The following RPS6KA2 variants were observed in gnomAD, a reference collection of about 807,000 sequenced individuals.
RPS6KA2 encodes ribosomal protein S6 kinase alpha-2.
In RPS6KA2, 42 loss-of-function variants were observed where a neutral mutation model predicts 91.8. The ratio of observed to expected loss-of-function variants is 0.46; its 90% confidence interval spans 0.36 to 0.59. RPS6KA2 has a LOEUF of 0.59. RPS6KA2 is among the 20% of genes least tolerant of loss of function. The pLI, the probability that RPS6KA2 is intolerant of heterozygous loss-of-function variation, is 0.00. For missense variants in RPS6KA2, 798 were observed against 978.5 expected, an observed-to-expected ratio of 0.82 and a Z score of 2.46; for synonymous variants, 414 against 393.6, an observed-to-expected ratio of 1.05 and a Z score of -0.61.
At chr6:166,497,696 G>A (rs1781841318) in intron 8 of RPS6KA2, among the ~76,000 whole-genome samples, 3 of 152,244 alleles carry the variant, frequency 2.0e-5, no homozygotes, top group Admixed American at 2.0e-4. Context: ...GGGACGAGGA[G>A]TAGGGTGTGG....
At chr6:166,610,555 G>A (rs1220580602) in intron 1 of RPS6KA2, among the ~76,000 whole-genome samples, 2 of 152,256 alleles carry the variant, frequency 1.3e-5, no homozygotes, top group South Asian at 4.1e-4. Context: ...GAGGGCCATG[G>A]AGGCCTCCAA....
At chr6:166,424,494 C>T (rs760714537) in intron 16 of RPS6KA2, among the ~76,000 whole-genome samples, 10 of 152,202 alleles carry the variant, frequency 6.6e-5, no homozygotes, top group Non-Finnish European at 1.2e-4. Flanking sequence ...GAAGAGATGG[C>T]GCACAGAGGA....
chr6:166,723,968 G>C (rs1382367213), intron 2 of RPS6KA2, among the ~76,000 whole-genome samples: 1 of 152,144 alleles, frequency 6.6e-6, no homozygotes, highest in East Asian at 1.9e-4. Flanking sequence ...CCACAGTGCT[G>C]AGATTACAGG....
intron 2 of RPS6KA2, among the ~76,000 whole-genome samples, chr6:166,780,815 G>C (rs966955998): frequency 1.3e-5 from 2 of 152,130 alleles, no homozygotes; most frequent in Non-Finnish European, 2.9e-5. Context: ...CTGCAACATT[G>C]CAAGTCAGCC....
At chr6:166,743,833 G>A (rs138561648) in intron 2 of RPS6KA2, among the ~76,000 whole-genome samples, 15,379 of 141,608 alleles carry the variant, frequency 0.11, 1,841 homozygotes, top group African/African-American at 0.32. Context: ...GTCAGTGCAC[G>A]GCAGACAGGG....
chr6:166,702,348 G>A, intron 2 of RPS6KA2: 1 of 1,611,866 alleles, frequency 6.2e-7, no homozygotes, highest in Non-Finnish European at 8.5e-7. Flanking sequence ...GGGTTTTGCT[G>A]GGTGGCCATT....
At chr6:166,653,040 T>G (rs1342623890) in intron 2 of RPS6KA2, among the ~76,000 whole-genome samples, 1 of 152,220 alleles carries the variant, frequency 6.6e-6, no homozygotes. Context: ...CATTGCCCAT[T>G]ATTCCATTTT....
chr6:166,446,043 A>T (rs538429129), intron 14 of RPS6KA2, among the ~76,000 whole-genome samples: 2 of 152,254 alleles, frequency 1.3e-5, no homozygotes, highest in Non-Finnish European at 2.9e-5. Context: ...TTTCAACTAC[A>T]TTCCACCTGG....
At chr6:166,613,302 T>C (rs1376444410) in intron 1 of RPS6KA2, among the ~76,000 whole-genome samples, 2 of 152,242 alleles carry the variant, frequency 1.3e-5, no homozygotes, top group African/African-American at 2.4e-5. Flanking sequence ...CTAGGAGCAG[T>C]GCTGCTGAAA....
intron 1 of RPS6KA2, among the ~76,000 whole-genome samples, chr6:166,586,950 C>G (rs1785195083): frequency 6.6e-6 from 1 of 152,178 alleles, no homozygotes; most frequent in East Asian, 1.9e-4. Flanking sequence ...GGTCATGTGA[C>G]TAGCCCTGGC....
chr6:166,475,681 A>G, intron 10 of RPS6KA2: 1 of 472,112 alleles, frequency 2.1e-6, no homozygotes, highest in South Asian at 1.6e-5. Flanking sequence ...CATTCACTGA[A>G]CAGATCACAC....
At chr6:166,656,616 G>A (rs1218477505) in intron 2 of RPS6KA2, among the ~76,000 whole-genome samples, 2 of 152,256 alleles carry the variant, frequency 1.3e-5, no homozygotes, top group Admixed American at 6.5e-5. Context: ...GAAGATGGAT[G>A]GAAAGACCAT....
At chr6:166,512,872 C>T (rs1782518994) in intron 3 of RPS6KA2, among the ~76,000 whole-genome samples, 1 of 152,164 alleles carries the variant, frequency 6.6e-6, no homozygotes, top group South Asian at 2.1e-4. Context: ...TGCTCAGATC[C>T]CCTTTTTTTC....
rs1325966856 is a variant in RPS6KA2 at position 166,445,906 on chromosome 6, A to G, written c.1332+2818T>C. Among the ~76,000 whole-genome samples the G allele has an allele frequency of 3.3e-5, 5 of 152,238 alleles. No individual in the cohort carries two copies. The highest frequency in any genetic ancestry group is 5.9e-5 in the Non-Finnish European group (4 of 68,036). On this transcript the variant is annotated intron_variant, in intron 14 of 20. Transcript: ENST00000265678. The surrounding 1 kb of genome is among the most constrained non-coding windows in gnomAD (Gnocchi z 4.5). Reference sequence around the variant, plus strand: ...GATCCAACTCACACATCAGATAATCAGCTGCCACATGCTTAGTTCTGGGTC... The same window carrying G: ...GATCCAACTCACACATCAGATAATCGGCTGCCACATGCTTAGTTCTGGGTC...
rs923998076 is a variant in RPS6KA2 at position 166,490,306 on chromosome 6, A to G, written c.818+365T>C. ...TTGTGTCTTTTTCCGTCTATCCTTTACTTCTGGGAGGTCACCAACCATCAC... is the reference window on the plus strand; with the variant it reads ...TTGTGTCTTTTTCCGTCTATCCTTTGCTTCTGGGAGGTCACCAACCATCAC... On this transcript the variant is annotated intron_variant, in intron 9 of 20. Coordinates refer to ENST00000265678, the MANE Select transcript of RPS6KA2 (RefSeq NM_021135.6). The surrounding 1 kb of genome is among the most constrained non-coding windows in gnomAD (Gnocchi z 4.2). Among the ~76,000 whole-genome samples the G allele has an allele frequency of 6.6e-6, 1 of 151,996 alleles. No homozygotes were observed. Among genetic ancestry groups the G allele is most frequent in the African/African-American group, 2.4e-5 (1 of 41,364 alleles).
intron 16 of RPS6KA2, among the ~76,000 whole-genome samples, chr6:166,425,552 A>G (rs1260119344): frequency 6.6e-6 from 1 of 152,174 alleles, no homozygotes; most frequent in Non-Finnish European, 1.5e-5. Context: ...TATTCAGGAA[A>G]CGCATCTCAC....
intron 12 of RPS6KA2, among the ~76,000 whole-genome samples, chr6:166,454,153 G>A (rs560377410): frequency 3.3e-5 from 5 of 152,126 alleles, no homozygotes; most frequent in Admixed American, 6.5e-5. Context: ...TCACCACTAT[G>A]TACTCTACCC....
At chr6:166,634,130 G>C (rs1787163718) in intron 2 of RPS6KA2, among the ~76,000 whole-genome samples, 2 of 152,230 alleles carry the variant, frequency 1.3e-5, no homozygotes. Flanking sequence ...AAGGACGACA[G>C]GGACACACTT....
chr6:166,804,750 C>T (rs992508321), intron 2 of RPS6KA2, among the ~76,000 whole-genome samples: 3 of 152,114 alleles, frequency 2.0e-5, no homozygotes, highest in African/African-American at 7.2e-5. Flanking sequence ...TCTGGCATCT[C>T]ACTGTGGGGA....
Sources: allele counts gnomAD v4.1 joint callset (sites outside exome capture counted in the v4.1 genomes callset), GRCh38; gene constraint gnomAD v4.1.1; non-coding constraint Gnocchi (gnomAD v3.1); transcripts MANE v1.5; gene names NCBI Gene and HGNC (gene_info 2026-07-23, HGNC 2026-07-21).